RASEF: variants seen among roughly 807,000 people sequenced by gnomAD.
RASEF encodes ras and EF-hand domain-containing protein.
RASEF carries 68 observed loss-of-function variants against 90.1 expected under a neutral mutation model. The ratio of observed to expected loss-of-function variants is 0.75; its 90% CI spans 0.62 to 0.92. The LOEUF (loss-of-function observed/expected upper bound fraction) is 0.92, where lower values mean the gene tolerates loss of function less well. Among genes scored for constraint, RASEF ranks in the 40% least tolerant of loss-of-function variants. The probability of loss-of-function intolerance (pLI) is 0.00; values close to 1 mark genes in which losing one functional copy is unlikely to be tolerated. For missense variants in RASEF, 949 were observed against 937.2 expected (o/e 1.01, Z -0.16); for synonymous variants, 331 against 345.2 (o/e 0.96, Z 0.46).
At chr9:83,086,873 T>C in the RASEF span, among the ~76,000 whole-genome samples, 1 of 152,122 alleles carries the variant, frequency 6.6e-6, no homozygotes, top group Non-Finnish European at 1.5e-5. Context: ...TATCACCTAA[T>C]CTCAGAAGTG....
At chr9:83,104,213 C>T in the RASEF span, among the ~76,000 whole-genome samples, 8 of 152,068 alleles carry the variant, frequency 5.3e-5, no homozygotes, top group East Asian at 1.9e-4. Flanking sequence ...TTTGGCTTTA[C>T]GTAAGAATTT....
the RASEF span, among the ~76,000 whole-genome samples, chr9:83,120,535 G>A: frequency 6.6e-6 from 1 of 152,118 alleles, no homozygotes; most frequent in Non-Finnish European, 1.5e-5. Context: ...ATGGACATGA[G>A]CAAGAAATAA....
At chr9:83,130,012 G>T in the RASEF span, among the ~76,000 whole-genome samples, 1 of 152,202 alleles carries the variant, frequency 6.6e-6, no homozygotes, top group Non-Finnish European at 1.5e-5. Context: ...ATGCTTTAAT[G>T]TCACCAAATG....
chr9:83,127,358 T>C, the RASEF span, among the ~76,000 whole-genome samples: 2 of 152,124 alleles, frequency 1.3e-5, no homozygotes, highest in African/African-American at 4.8e-5. Context: ...AATAAATGTG[T>C]TTTTTTCCTA....
At chr9:83,083,718 T>C in the RASEF span, among the ~76,000 whole-genome samples, 3 of 152,126 alleles carry the variant, frequency 2.0e-5, no homozygotes, top group African/African-American at 7.2e-5. Context: ...GGCTACATAT[T>C]TAAGGGAACC....
chr9:83,158,695 T>C, the RASEF span, among the ~76,000 whole-genome samples: 962 of 148,336 alleles, frequency 6.5e-3, 2 homozygotes, highest in Non-Finnish European at 8.9e-3. Flanking sequence ...TACATATATG[T>C]ATATATTTAT....
chr9:82,981,385 T>G lies in RASEF; in HGVS notation c.*1292A>C, dbSNP rs180808220. Reference sequence around the variant, plus strand: ...AAGGACCCTGACTCACCTTTCCTAATGGTGATTCCTCTTTCAAGGATATTA... The same window carrying G: ...AAGGACCCTGACTCACCTTTCCTAAGGGTGATTCCTCTTTCAAGGATATTA... On this transcript the variant is annotated 3_prime_UTR_variant, in exon 17 of 17. Transcript: ENST00000376447. 2.0e-5 allele frequency: 3 copies of G among 152,334 alleles called. No individual in the cohort carries two copies. The highest frequency in any genetic ancestry group is 2.9e-5 in the Non-Finnish European group (2 of 68,032). 9.4% of individuals were successfully genotyped at this position (152,334 alleles called of 1,614,324 possible).
At chr9:83,107,723 T>A in the RASEF span, among the ~76,000 whole-genome samples, 1 of 152,320 alleles carries the variant, frequency 6.6e-6, no homozygotes, top group East Asian at 1.9e-4. Flanking sequence ...TAAACTCACA[T>A]GTTTAAATGT....
In RASEF at chr9:83,062,500, C is replaced by T; in HGVS notation, c.368G>A (p.Ser123Asn). 6.2e-7 allele frequency: 1 copy of T among 1,611,414 alleles called. No individual in the cohort carries two copies. The highest frequency in any genetic ancestry group is 8.5e-7 in the Non-Finnish European group (1 of 1,179,228). The change falls in exon 1 of 17, where the codon AGT becomes AAT. Residue 123 changes from serine to asparagine, a missense_variant. Physicochemically the swap from Ser to Asn is conservative, Grantham distance 46 (BLOSUM62 1). Transcript: ENST00000376447. ...AALATSCGPA[S>N]PGRAWQDFQA... Reference sequence around the variant, plus strand: ...GAAATCCTGCCAAGCCCGGCCGGGACTCGCCGGGCCGCACGAGGTGGCCAG... The same window carrying T: ...GAAATCCTGCCAAGCCCGGCCGGGATTCGCCGGGCCGCACGAGGTGGCCAG...
the RASEF span, among the ~76,000 whole-genome samples, chr9:83,108,940 G>A: frequency 6.6e-6 from 1 of 152,156 alleles, no homozygotes; most frequent in African/African-American, 2.4e-5. Flanking sequence ...ATGTAGTCTA[G>A]TACCAAGATA....
chr9:83,077,545 A>G, the RASEF span, among the ~76,000 whole-genome samples: 2 of 152,182 alleles, frequency 1.3e-5, no homozygotes, highest in Non-Finnish European at 2.9e-5. Flanking sequence ...TTTTGAAGAC[A>G]TTTGATATAA....
chr9:83,156,605 C>A, the RASEF span, among the ~76,000 whole-genome samples: 1 of 152,054 alleles, frequency 6.6e-6, no homozygotes, highest in Admixed American at 6.6e-5. Flanking sequence ...CCCAGGGATT[C>A]CACACTCATT....
At chr9:83,171,199 C>T in the RASEF span, among the ~76,000 whole-genome samples, 1 of 151,416 alleles carries the variant, frequency 6.6e-6, no homozygotes, top group Non-Finnish European at 1.5e-5. Flanking sequence ...TATATTTTGC[C>T]CTTGATTCTA....
At chr9:83,119,479 A>G in the RASEF span, among the ~76,000 whole-genome samples, 2 of 152,208 alleles carry the variant, frequency 1.3e-5, no homozygotes, top group African/African-American at 4.8e-5. Context: ...TGGTTATCCT[A>G]CATGATGGCT....
the RASEF span, among the ~76,000 whole-genome samples, chr9:83,210,281 C>A: frequency 3.2e-4 from 49 of 152,306 alleles, no homozygotes; most frequent in African/African-American, 1.2e-3. Context: ...ACCCTTCATG[C>A]ACTTCAACTA....
chr9:82,999,984 G>GACACACAC (rs55873985), intron 12 of RASEF, among the ~76,000 whole-genome samples, 185 bp downstream of exon 12: 81 of 141,106 alleles, frequency 5.7e-4, no homozygotes, highest in East Asian at 5.6e-3. Context: ...TAGACTAGGA[G>GACACACAC]ACACACACAC....
chr9:82,987,371 G>A (rs1828728428), intron 16 of RASEF, among the ~76,000 whole-genome samples: 1 of 152,176 alleles, frequency 6.6e-6, no homozygotes, highest in African/African-American at 2.4e-5. Context: ...TTCGCAAGAA[G>A]CTTATCTTAT....
chr9:83,176,429 A>C, the RASEF span, among the ~76,000 whole-genome samples: 1 of 152,032 alleles, frequency 6.6e-6, no homozygotes. Context: ...CTCTTTTTCT[A>C]TCCTATCTGA....
intron 1 of RASEF, among the ~76,000 whole-genome samples, chr9:83,044,974 C>T (rs928943566): frequency 2.6e-5 from 4 of 152,144 alleles, no homozygotes; most frequent in African/African-American, 9.7e-5. Flanking sequence ...ACCTTTTCAC[C>T]GGGACTGCAA....
Sources: gnomAD v4.1 joint callset for allele counts (sites outside exome capture counted in the v4.1 genomes callset) on GRCh38, gnomAD v4.1.1 for gene constraint, MANE v1.5 for transcripts, NCBI Gene and HGNC (gene_info 2026-07-23, HGNC 2026-07-21) for gene names.